Variants in DDC observed in about 807,000 individuals in gnomAD.
The protein encoded by DDC is dopa decarboxylase.
DDC carries 43 observed loss-of-function variants against 60.0 expected under a neutral mutation model. That is an observed-to-expected ratio of 0.72 (90% CI 0.56 to 0.92). The LOEUF (loss-of-function observed/expected upper bound fraction) is 0.92. Ranked by LOEUF, DDC falls within the 40% of genes least tolerant of loss-of-function variation. The pLI is 0.00. For missense variants in DDC, 573 were observed against 620.2 expected (o/e 0.92, Z 0.81); for synonymous variants, 232 against 234.6 (o/e 0.99, Z 0.10).
chr7:50,490,827 C>G (rs1394819355), intron 9 of DDC, among the ~76,000 whole-genome samples: 1 of 152,204 alleles, frequency 6.6e-6, no homozygotes, highest in Non-Finnish European at 1.5e-5. Flanking sequence ...TCTTGCTGCA[C>G]TTTATCCAAA....
At chr7:50,536,752 T>A (rs1240941636) in intron 4 of DDC, among the ~76,000 whole-genome samples, 1 of 152,226 alleles carries the variant, frequency 6.6e-6, no homozygotes, top group East Asian at 1.9e-4. Context: ...TGTTGCTCAT[T>A]CTCAGGACTG....
intron 13 of DDC, 30 bp from the exon 14 acceptor site, chr7:50,463,461 T>C: frequency 1.2e-6 from 2 of 1,600,692 alleles, no homozygotes; most frequent in South Asian, 2.2e-5. Context: ...GGAACTGTGC[T>C]CAGGTCTCTG....
At position 50,537,855 on chromosome 7, in the gene DDC, C is replaced by A. The variant is rs749195794; in HGVS notation, c.435+5G>T. ...CAAAAGTGGCCCTCACAGCTCCCAC[C>A]TTACCTGGATCACTCCTCCCCCTTC... On this transcript the variant is annotated splice_donor_5th_base_variant and intron_variant, in intron 4 of 14. Coordinates refer to ENST00000444124, the MANE Select transcript of DDC (RefSeq NM_001082971.2). 1.2e-6 allele frequency: 2 copies of A among 1,614,174 alleles called. No individual in the cohort carries two copies. Among genetic ancestry groups the A allele is most frequent in the African/African-American group, 1.3e-5 (1 of 75,054 alleles).
Position 50,460,384 on chromosome 7 carries a change from C to T in DDC, c.*19-1541G>A, listed in dbSNP as rs1240658998. On this transcript the variant is annotated intron_variant, in intron 14 of 14. Coordinates refer to ENST00000444124, the MANE Select transcript of DDC (RefSeq NM_001082971.2). Reference sequence around the variant, plus strand: ...TGGGAGGGTCAGCCCCCCGCCCGGCCAGCCGCCCCATCCGGGAGGAAGGTG... The same window carrying T: ...TGGGAGGGTCAGCCCCCCGCCCGGCTAGCCGCCCCATCCGGGAGGAAGGTG... Among the ~76,000 whole-genome samples the T allele has an allele frequency of 2.7e-5, 4 of 149,774 alleles. No homozygotes were observed. In the East Asian group the frequency reaches 8.0e-4, roughly 30 times the overall value.
intron 6 of DDC, among the ~76,000 whole-genome samples, chr7:50,511,052 T>TACACACAC (rs377138071): frequency 0.01 from 1,411 of 139,090 alleles, 17 homozygotes; most frequent in South Asian, 0.056. Context: ...GATATATCTA[T>TACACACAC]ACACACACAC....
chr7:50,520,663 C>T (rs1026691073), intron 6 of DDC, among the ~76,000 whole-genome samples: 2 of 152,166 alleles, frequency 1.3e-5, no homozygotes, highest in Admixed American at 6.5e-5. Flanking sequence ...CCTGTAATCC[C>T]AGCACTTTGG....
chr7:50,548,550 T>G (rs1316852979), intron 1 of DDC, among the ~76,000 whole-genome samples: 1 of 152,154 alleles, frequency 6.6e-6, no homozygotes, highest in Non-Finnish European at 1.5e-5. Flanking sequence ...AGTAAGGTCT[T>G]AACTGTCTTC....
At chr7:50,546,911 A>G (rs1368448328) in intron 1 of DDC, among the ~76,000 whole-genome samples, 1 of 152,256 alleles carries the variant, frequency 6.6e-6, no homozygotes, top group Non-Finnish European at 1.5e-5. Flanking sequence ...TCTTAAGCCA[A>G]CGACCAAGGA....
At chr7:50,469,397 T>C (rs1321446891) in intron 12 of DDC, among the ~76,000 whole-genome samples, 1 of 152,068 alleles carries the variant, frequency 6.6e-6, no homozygotes, top group Non-Finnish European at 1.5e-5. Flanking sequence ...GCACTGCTGG[T>C]CTGGAAGCAT....
chr7:50,492,768 A>G (rs2043028093), intron 9 of DDC: 1 of 1,446,934 alleles, frequency 6.9e-7, no homozygotes, highest in Admixed American at 2.4e-5. Flanking sequence ...CACTTTGTCA[A>G]ATTTCCCCTC....
chr7:50,487,003 C>T (rs1041031581), intron 9 of DDC, among the ~76,000 whole-genome samples: 4 of 152,174 alleles, frequency 2.6e-5, no homozygotes, highest in African/African-American at 9.7e-5. Context: ...TCTTTCCCTC[C>T]AGACAACTTT....
At chr7:50,481,590 A>G (rs528253002) in intron 9 of DDC, among the ~76,000 whole-genome samples, 1 of 152,348 alleles carries the variant, frequency 6.6e-6, no homozygotes, top group African/African-American at 2.4e-5. Context: ...TGTAAAGAAT[A>G]AATCACCACC....
chr7:50,543,818 C>A, intron 2 of DDC, 67 bp downstream of exon 2: 1 of 1,475,264 alleles, frequency 6.8e-7, no homozygotes, highest in Non-Finnish European at 9.5e-7. Flanking sequence ...ATGTGAATTG[C>A]TCAGAGCCAA....
At chr7:50,549,863 A>T (rs917363640) in intron 1 of DDC, among the ~76,000 whole-genome samples, 1 of 152,240 alleles carries the variant, frequency 6.6e-6, no homozygotes, top group South Asian at 2.1e-4. Flanking sequence ...CTGCAATCTC[A>T]TGATAAAATT....
At chr7:50,485,090 G>A (rs2042854013) in intron 9 of DDC, among the ~76,000 whole-genome samples, 1 of 152,084 alleles carries the variant, frequency 6.6e-6, no homozygotes, top group Admixed American at 6.5e-5. Context: ...CAACAGAAGT[G>A]TACAAACACT....
chr7:50,476,025 C>G (rs953703002), intron 11 of DDC, among the ~76,000 whole-genome samples: 1 of 152,142 alleles, frequency 6.6e-6, no homozygotes, highest in African/African-American at 2.4e-5. Flanking sequence ...ACAGCCAGCT[C>G]AGTGGCCACA....
chr7:50,564,499 A>T (rs73342867), intron 1 of DDC, among the ~76,000 whole-genome samples: 1 of 152,236 alleles, frequency 6.6e-6, no homozygotes. Flanking sequence ...ACAGAGCCCA[A>T]TGTAAACTGA....
intron 11 of DDC, among the ~76,000 whole-genome samples, chr7:50,471,647 T>C (rs1291155387): frequency 6.6e-6 from 1 of 152,130 alleles, no homozygotes; most frequent in Admixed American, 6.5e-5. Context: ...CCCACTTTCT[T>C]GGAGCAAAAG....
intron 1 of DDC, among the ~76,000 whole-genome samples, chr7:50,551,300 G>A (rs998120067): frequency 1.3e-5 from 2 of 150,518 alleles, no homozygotes; most frequent in African/African-American, 2.4e-5. Flanking sequence ...GTGTGATCTG[G>A]GCTCACTGCA....
Sources: gnomAD v4.1 joint callset for allele counts (sites outside exome capture counted in the v4.1 genomes callset) on GRCh38, gnomAD v4.1.1 for gene constraint, MANE v1.5 for transcripts, NCBI Gene and HGNC (gene_info 2026-07-23, HGNC 2026-07-21) for gene names.